The following ADAMTS4 variants were observed in gnomAD, a reference collection of about 807,000 sequenced individuals.
ADAMTS4 encodes ADAM metallopeptidase with thrombospondin type 1 motif 4.
ADAMTS4 carries 38 observed loss-of-function variants against 66.7 expected under a neutral mutation model. The observed-to-expected ratio is 0.57, with a 90% confidence interval of 0.44 to 0.75. ADAMTS4 has a LOEUF of 0.75. Ranked by LOEUF, ADAMTS4 falls within the 30% of genes least tolerant of loss-of-function variation. The pLI is 0.00. For missense variants in ADAMTS4, 1,014 were observed against 1,116.7 expected, an observed-to-expected ratio of 0.91 and a Z score of 1.31; for synonymous variants, 418 against 461.5, an observed-to-expected ratio of 0.91 and a Z score of 1.21.
rs771139449 is a variant in ADAMTS4 at position 161,193,749 on chromosome 1, G to A, written c.1626C>T (p.Phe542=). ...CAGGCCTCGTGCAGTCTCGGGAGGA[G>A]AACTGGACACCACCCCCACAGGTCC... ...CSRTCGGGVQ[F]SSRDCTRPVP... is the part of the protein sequence containing the mutation. Residue 542 remains phenylalanine (F), a synonymous_variant, in exon 6 of 9, where the codon TTC becomes TTT. Transcript: ENST00000367996. This position sits in a 1 kb window ranked among gnomAD's most constrained non-coding sequence, Gnocchi z 4.4. 82 of 1,613,956 alleles carry A rather than the reference G, an allele frequency of 5.1e-5. No individual in the cohort carries two copies. The highest frequency in any genetic ancestry group is 6.5e-5 in the Non-Finnish European group (77 of 1,180,000).
Position 161,191,617 on chromosome 1 carries a change from T to G in ADAMTS4, c.2088-53A>C, listed in dbSNP as rs1664685525. ...CAGGATCACCTGAATCCCCTCAGCC[T>G]TCTGAGCTGTGCTTATGTGACTGTA... On this transcript the variant is annotated intron_variant, in intron 8 of 8. Transcript: ENST00000367996. 2.6e-6 allele frequency: 4 copies of G among 1,525,878 alleles called. No individual in the cohort carries two copies. In the African/African-American group the frequency reaches 5.5e-5, roughly 21 times the overall value. 94.5% of individuals were successfully genotyped at this position (1,525,878 alleles called of 1,614,324 possible). A position where few individuals can be genotyped will look rare whatever the true frequency, so the allele number is the denominator to read the frequency against.
At chr1:161,197,830 C>A (rs992441898) in intron 1 of ADAMTS4, among the ~76,000 whole-genome samples, 165 bp downstream of exon 1, 5 of 151,974 alleles carry the variant, frequency 3.3e-5, no homozygotes, top group Non-Finnish European at 7.4e-5. Context: ...GGGGAGAGGC[C>A]TGAGCCTTAC....
Position 161,188,452 on chromosome 1 carries a change from C to T in ADAMTS4, c.*2686G>A, listed in dbSNP as rs1233118396. On this transcript the variant is annotated 3_prime_UTR_variant, in exon 9 of 9. Coordinates refer to ENST00000367996, the MANE Select transcript of ADAMTS4 (RefSeq NM_005099.6). ...AGAGATGGAATCTTTCTATGTTGCC[C>T]AGGTTGGTCCCAACCTCCTGGCCTC... The T allele has an allele frequency of 1.3e-5, 2 of 148,152 alleles. No individual in the cohort carries two copies. The highest frequency in any genetic ancestry group is 2.5e-5 in the African/African-American group (1 of 39,794). The allele number at this position is 148,152 out of a possible 1,614,324, so 9.2% of individuals were successfully genotyped here. A position where few individuals can be genotyped will look rare whatever the true frequency, so the allele number is the denominator to read the frequency against.
chr1:161,191,508 C>T lies in ADAMTS4; in HGVS notation c.2144G>A (p.Arg715Gln), dbSNP rs745913279. 18 of 1,613,866 alleles carry T rather than the reference C, an allele frequency of 1.1e-5. No individual in the cohort carries two copies. Among genetic ancestry groups the T allele is most frequent in the South Asian group, 6.6e-5 (6 of 91,088 alleles). The change falls in exon 9 of 9, where the codon CGG becomes CAG. Residue 715 changes from arginine (R) to glutamine (Q), a missense_variant. Transcript: ENST00000367996. ...CCGGTGGCCAGGGTTTCCCTGCTGC[C>T]GGACAAGAATGTGGGTGGCCCCCGC... ...IPAGATHILVRQQGNPGHRSI... is the reference protein window; with the variant it reads ...IPAGATHILVQQQGNPGHRSI...
At position 161,198,220 on chromosome 1, in the gene ADAMTS4, C is replaced by T. The variant is rs757761334; in HGVS notation, c.408G>A (p.Pro136=). The part of the protein sequence containing the change: ...TYLTGTINGD[P]ESVASLHWDG... Reference sequence around the variant, plus strand: ...CCCAGTGCAGAGATGCCACCGACTCCGGATCTCCATTGATGGTGCCAGTCA... The same window carrying T: ...CCCAGTGCAGAGATGCCACCGACTCTGGATCTCCATTGATGGTGCCAGTCA... Residue 136 remains proline, a synonymous_variant, in exon 1 of 9, where the codon CCG becomes CCA. Transcript: ENST00000367996. The surrounding 1 kb of genome is among the most constrained non-coding windows in gnomAD (Gnocchi z 4.7). The T allele has an allele frequency of 5.0e-6, 8 of 1,613,992 alleles. No homozygotes were observed. Among genetic ancestry groups the T allele is most frequent in the South Asian group, 2.2e-5 (2 of 91,094 alleles).
At position 161,196,759 on chromosome 1, in the gene ADAMTS4, G is replaced by T. The variant is rs909895361; in HGVS notation, c.755C>A (p.Ala252Asp). The change falls in exon 2 of 9, where the codon GCC becomes GAC. Residue 252 changes from alanine to aspartate, a missense_variant. By Grantham distance (126) the Ala-to-Asp change is moderately radical. Transcript: ENST00000367996. ...LLTVMAAAAK[A>D]FKHPSIRNPV... ...ATTGCGGATGCTTGGGTGCTTGAAG[G>T]CCTTGGCTGCTGCTGCCATCACTGT... The T allele has an allele frequency of 1.3e-5, 21 of 1,613,196 alleles. No individual in the cohort carries two copies. Among genetic ancestry groups the T allele is most frequent in the Non-Finnish European group, 1.6e-5 (19 of 1,180,026 alleles).
At position 161,198,040 on chromosome 1, in the gene ADAMTS4, G is replaced by A; in HGVS notation, c.588C>T (p.Val196=). ...GGCTGGGGCTTCCAAGAGGAGCCTTGACGTTGCACATGGGACCTTGACCGC... is the reference window on the plus strand; with the variant it reads ...GGCTGGGGCTTCCAAGAGGAGCCTTAACGTTGCACATGGGACCTTGACCGC... ...PASGQGPMCN[V]KAPLGSPSPR... The change falls in exon 1 of 9, where the codon GTC becomes GTT. Residue 196 remains valine (V), a synonymous_variant. Transcript: ENST00000367996. This position sits in a 1 kb window ranked among gnomAD's most constrained non-coding sequence, Gnocchi z 4.7. 6.3e-7 allele frequency: 1 copy of A among 1,595,668 alleles called. No homozygotes were observed. The highest frequency in any genetic ancestry group is 8.6e-7 in the Non-Finnish European group (1 of 1,168,458).
rs753448015 is a variant in ADAMTS4 at position 161,193,690 on chromosome 1, C to T, written c.1685G>A (p.Arg562His). Reference sequence around the variant, plus strand: ...GTTGCAGGAGCGGAAGCGGGTACGGCGGCCCTCACAGTACTTGCCACCATT... The same window carrying T: ...GTTGCAGGAGCGGAAGCGGGTACGGTGGCCCTCACAGTACTTGCCACCATT... The part of the protein sequence containing the change: ...PRNGGKYCEG[R>H]RTRFRSCNTE... Residue 562 changes from arginine to histidine, a missense_variant, in exon 6 of 9, where the codon CGC becomes CAC. Transcript: ENST00000367996. The surrounding 1 kb of genome is among the most constrained non-coding windows in gnomAD (Gnocchi z 4.4). 1.8e-5 allele frequency: 29 copies of T among 1,613,788 alleles called. No homozygotes were observed. The highest frequency in any genetic ancestry group is 2.2e-5 in the Non-Finnish European group (26 of 1,179,928).
rs1558071085 is a variant in ADAMTS4 at position 161,187,071 on chromosome 1, G to A, written c.*4067C>T. On this transcript the variant is annotated 3_prime_UTR_variant, in exon 9 of 9. Coordinates refer to ENST00000367996, the MANE Select transcript of ADAMTS4 (RefSeq NM_005099.6). Reference sequence around the variant, plus strand: ...GGCTATCATGATGACCTGTTCTCCAGGGCCCAGCCCAAGGTAGCCCTCCAT... The same window carrying A: ...GGCTATCATGATGACCTGTTCTCCAAGGCCCAGCCCAAGGTAGCCCTCCAT... 1 of 152,134 alleles carries A rather than the reference G, an allele frequency of 6.6e-6. No homozygotes were observed. Among genetic ancestry groups the A allele is most frequent in the East Asian group, 1.9e-4 (1 of 5,192 alleles). 9.4% of individuals were successfully genotyped at this position (152,134 alleles called of 1,614,324 possible). A position where few individuals can be genotyped will look rare whatever the true frequency, so the allele number is the denominator to read the frequency against.
rs1173565115 is a variant in ADAMTS4 at position 161,184,499 on chromosome 1, G to A, written c.*6639C>T. 6.6e-6 allele frequency: 1 copy of A among 152,178 alleles called. No individual in the cohort carries two copies. Among genetic ancestry groups the A allele is most frequent in the African/African-American group, 2.4e-5 (1 of 41,420 alleles). 9.4% of individuals were successfully genotyped at this position (152,178 alleles called of 1,614,324 possible). On this transcript the variant is annotated 3_prime_UTR_variant, in exon 9 of 9. Transcript: ENST00000367996. ...TCATTACAGGTAAGTAAGTAGCAAG[G>A]CTTAGATTCAATTTGACTCCAAAAA...
rs1378675203 is a variant in ADAMTS4, at chr1:161,198,463, G to C, written c.165C>G (p.Leu55=). The C allele has an allele frequency of 6.4e-7, 1 of 1,572,034 alleles. No homozygotes were observed. The highest frequency in any genetic ancestry group is 1.9e-5 in the Admixed American group (1 of 53,054). ...GAAACACGATCTCCTCCTCCCGGGG[G>C]AGGGGGCTGGCCAGCCGGGCTGAGG... ...LLPSARLASP[L]PREEEIVFPE... Residue 55 remains leucine (L), a synonymous_variant, in exon 1 of 9, where the codon CTC becomes CTG. Coordinates refer to ENST00000367996, the MANE Select transcript of ADAMTS4 (RefSeq NM_005099.6). This position sits in a 1 kb window ranked among gnomAD's most constrained non-coding sequence, Gnocchi z 4.7.
In ADAMTS4 at chr1:161,198,185, G is replaced by C; in HGVS notation, c.443C>G (p.Ala148Gly). Residue 148 changes from alanine to glycine, a missense_variant, in exon 1 of 9, where the codon GCC (alanine) becomes GGC (glycine). Transcript: ENST00000367996. This position sits in a 1 kb window ranked among gnomAD's most constrained non-coding sequence, Gnocchi z 4.7. Reference protein sequence around the residue: ...SVASLHWDGGALLGVLQYRGA... With the variant: ...SVASLHWDGGGLLGVLQYRGA... Reference sequence around the variant, plus strand: ...CCGATATTGTAACACGCCTAACAGGGCTCCCCCATCCCAGTGCAGAGATGC... The same window carrying C: ...CCGATATTGTAACACGCCTAACAGGCCTCCCCCATCCCAGTGCAGAGATGC... The C allele has an allele frequency of 1.2e-6, 2 of 1,614,040 alleles. No homozygotes were observed. Among genetic ancestry groups the C allele is most frequent in the Non-Finnish European group, 1.7e-6 (2 of 1,179,980 alleles).
Position 161,191,102 on chromosome 1 carries a change from C to G in ADAMTS4, c.*36G>C, listed in dbSNP as rs202054746. ...CTCTTTCTCCCAGCTAAGTCCGAGGCCCCGGTGCCCAGAAAGGGCAGCCGG... is the reference window on the plus strand; with the variant it reads ...CTCTTTCTCCCAGCTAAGTCCGAGGGCCCGGTGCCCAGAAAGGGCAGCCGG... On this transcript the variant is annotated 3_prime_UTR_variant, in exon 9 of 9. Coordinates refer to ENST00000367996, the MANE Select transcript of ADAMTS4 (RefSeq NM_005099.6). 4 of 1,512,602 alleles carry G rather than the reference C, an allele frequency of 2.6e-6. No individual in the cohort carries two copies. In the Admixed American group the frequency reaches 6.6e-5, roughly 25 times the overall value. 93.7% of individuals were successfully genotyped at this position (1,512,602 alleles called of 1,614,324 possible).
Position 161,193,438 on chromosome 1 carries a change from C to A in ADAMTS4, c.1736-50G>T, listed in dbSNP as rs1664730699. ...CCCTCCTTCCTTCCTCACATCACCC[C>A]ACATCCCTCCACCCAACCCCTGAGA... On this transcript the variant is annotated intron_variant, in intron 6 of 8. Transcript: ENST00000367996. The surrounding 1 kb of genome is among the most constrained non-coding windows in gnomAD (Gnocchi z 4.4). 6.3e-7 allele frequency: 1 copy of A among 1,586,354 alleles called. No homozygotes were observed. Among genetic ancestry groups the A allele is most frequent in the East Asian group, 2.2e-5 (1 of 44,512 alleles).
rs1664838667 is a variant in ADAMTS4 at position 161,196,388 on chromosome 1, G to T, written c.958-85C>A. 4.8e-5 allele frequency: 74 copies of T among 1,535,864 alleles called. 1 individual carries two copies. The South Asian group carries it at 8.5e-4, about 18-fold the overall frequency. ...GAGATCCAGATTCCCGGGGACCTGG[G>T]CACTGAGGACCCAGCACTGTCAGGG... On this transcript the variant is annotated intron_variant, in intron 2 of 8. Coordinates refer to ENST00000367996, the MANE Select transcript of ADAMTS4 (RefSeq NM_005099.6).
chr1:161,188,908 A>ATATATATATT lies in ADAMTS4; in HGVS notation c.*2229_*2230insAATATATATA, dbSNP rs1169469545. On this transcript the variant is annotated 3_prime_UTR_variant, in exon 9 of 9. Transcript: ENST00000367996. ...AATATATATATATATATATATATAT[A>ATATATATATT]TTTTGTATTTTTAGTAGACACGGGG... is the stretch of plus-strand genomic sequence containing the variant. 7.6e-6 allele frequency: 1 copy of ATATATATATT among 131,866 alleles called. No individual in the cohort carries two copies. The highest frequency in any genetic ancestry group is 2.5e-4 in the South Asian group (1 of 3,994). The allele number at this position is 131,866 out of a possible 1,614,324, so 8.2% of individuals were successfully genotyped here. A position where few individuals can be genotyped will look rare whatever the true frequency, so the allele number is the denominator to read the frequency against.
chr1:161,191,484 C>T lies in ADAMTS4; in HGVS notation c.2168G>A (p.Arg723Gln), dbSNP rs200762082. 109 of 1,614,108 alleles carry T rather than the reference C, an allele frequency of 6.8e-5. No homozygotes were observed. Among genetic ancestry groups the T allele is most frequent in the Admixed American group, 1.2e-4 (7 of 60,026 alleles). The change falls in exon 9 of 9, where the codon CGG becomes CAG. Residue 723 changes from arginine to glutamine, a missense_variant. By Grantham distance (43) the Arg-to-Gln change is conservative. Coordinates refer to ENST00000367996, the MANE Select transcript of ADAMTS4 (RefSeq NM_005099.6). ...LVRQQGNPGH[R>Q]SIYLALKLPD... ...CAGCTTCAGGGCCAAGTAGATGCTC[C>T]GGTGGCCAGGGTTTCCCTGCTGCCG...
rs985663338 is a variant in ADAMTS4 at position 161,188,413 on chromosome 1, T to G, written c.*2725A>C. 15 of 145,744 alleles carry G rather than the reference T, an allele frequency of 1.0e-4. No individual in the cohort carries two copies. The highest frequency in any genetic ancestry group is 6.9e-5 in the Admixed American group (1 of 14,576). 9.0% of individuals were successfully genotyped at this position (145,744 alleles called of 1,614,324 possible). ...CCACGCCCGGCTAATTTTTCAATCT[T>G]TTTTTTTTTTGGTAGAGATGGAATC... On this transcript the variant is annotated 3_prime_UTR_variant, in exon 9 of 9. Coordinates refer to ENST00000367996, the MANE Select transcript of ADAMTS4 (RefSeq NM_005099.6).
At chr1:161,197,253 G>A in intron 1 of ADAMTS4, 1 of 222,178 alleles carries the variant, frequency 4.5e-6, no homozygotes, top group Non-Finnish European at 8.9e-6. Flanking sequence ...GGGCTGGGCT[G>A]CAACGTGTCT....
Sources: gnomAD v4.1 joint callset for allele counts (sites outside exome capture counted in the v4.1 genomes callset) on GRCh38, gnomAD v4.1.1 for gene constraint, Gnocchi (gnomAD v3.1) non-coding constraint, MANE v1.5 for transcripts, NCBI Gene and HGNC (gene_info 2026-07-23, HGNC 2026-07-21) for gene names.